ADAMTS14: variants seen among roughly 807,000 people sequenced by gnomAD.
The protein encoded by ADAMTS14 is ADAM metallopeptidase with thrombospondin type 1 motif 14.
In ADAMTS14, 100 loss-of-function variants were observed where a neutral mutation model predicts 128.6. That is an observed-to-expected ratio of 0.78 (90% CI 0.66 to 0.92). ADAMTS14 has a LOEUF of 0.92. ADAMTS14 is among the 40% of genes least tolerant of loss of function. The probability of loss-of-function intolerance (pLI) is 0.00; values close to 1 mark genes in which losing one functional copy is unlikely to be tolerated. For missense variants in ADAMTS14, 1,562 were observed against 1,658.6 expected (o/e 0.94, Z 1.01); for synonymous variants, 665 against 653.8 (o/e 1.02, Z -0.26).
intron 4 of ADAMTS14, among the ~76,000 whole-genome samples, chr10:70,726,109 C>T (rs550839854): frequency 2.0e-5 from 3 of 152,190 alleles, no homozygotes; most frequent in Non-Finnish European, 4.4e-5. Flanking sequence ...GGCCAGTTAC[C>T]AGGGAGTGGG....
rs527893230 is a variant in ADAMTS14, at chr10:70,760,224, AG to A, written c.3179-135del. 236 of 1,187,566 alleles carry A rather than the reference AG, an allele frequency of 2.0e-4. 1 individual carries two copies. The African/African-American group carries it at 3.4e-3, about 17-fold the overall frequency. The allele number at this position is 1,187,566 out of a possible 1,614,324, so 73.6% of individuals were successfully genotyped here. ...AGGTGGCTCTGTAGCCCCCACCCTG[AG>A]AAAAAGCTTTATAGTGGGTCCAGCA... is the stretch of plus-strand genomic sequence containing the variant. On this transcript the variant is annotated intron_variant, in intron 21 of 21. Coordinates refer to ENST00000373207, the MANE Select transcript of ADAMTS14 (RefSeq NM_080722.4).
intron 2 of ADAMTS14, among the ~76,000 whole-genome samples, chr10:70,688,372 T>C (rs1307894305): frequency 2.1e-5 from 2 of 96,218 alleles, no homozygotes; most frequent in Non-Finnish European, 4.8e-5. Context: ...GAGACGCTCC[T>C]CACTTTCCAG....
chr10:70,711,817 G>A (rs572619840), intron 4 of ADAMTS14, among the ~76,000 whole-genome samples: 3 of 152,232 alleles, frequency 2.0e-5, no homozygotes, highest in East Asian at 3.9e-4. Context: ...GCGGGTGGCC[G>A]GCACCCATTG....
At chr10:70,731,091 C>CACACACACACAT (rs1554820562) in intron 6 of ADAMTS14, among the ~76,000 whole-genome samples, 1 of 150,888 alleles carries the variant, frequency 6.6e-6, no homozygotes, top group African/African-American at 2.4e-5. Context: ...CACACACACA[C>CACACACACACAT]GTACAGACAT....
intron 4 of ADAMTS14, among the ~76,000 whole-genome samples, chr10:70,714,903 G>T (rs1304589087): frequency 6.9e-6 from 1 of 144,034 alleles, no homozygotes; most frequent in Non-Finnish European, 1.5e-5. Context: ...CCGAGATCGG[G>T]CCATTGCACT....
At chr10:70,739,542 C>A (rs777184281) in intron 11 of ADAMTS14, among the ~76,000 whole-genome samples, 2 of 152,010 alleles carry the variant, frequency 1.3e-5, no homozygotes, top group Non-Finnish European at 2.9e-5. Context: ...TTTGGGATAT[C>A]TGAGCCCTAG....
At chr10:70,744,018 G>T (rs201330432) in intron 13 of ADAMTS14, 48 bp from the exon 14 acceptor site, 1 of 1,541,238 alleles carries the variant, frequency 6.5e-7, no homozygotes, top group Non-Finnish European at 8.8e-7. Flanking sequence ...CCGGGGTGGC[G>T]GTGGGGGCAG....
rs11373533 is a variant in ADAMTS14, at chr10:70,691,487, TAA to T, written c.523-10804_523-10803del. Among the ~76,000 whole-genome samples, 555 of 86,690 alleles carry T rather than the reference TAA, an allele frequency of 6.4e-3. 18 individuals are homozygous for T. Among genetic ancestry groups the T allele is most frequent in the African/African-American group, 0.021 (530 of 25,648 alleles). 56.9% of individuals were successfully genotyped at this position (86,690 alleles called of 152,430 possible). On this transcript the variant is annotated intron_variant, in intron 2 of 21. Transcript: ENST00000373207. ...GCCTGGGGACAGAGTGAGACCCTGT[TAA>T]AAAAAAAAAAAAAAAAAAAACAAAG...
chr10:70,734,810 C>G (rs755134838), intron 8 of ADAMTS14, among the ~76,000 whole-genome samples: 2 of 152,236 alleles, frequency 1.3e-5, no homozygotes, highest in Non-Finnish European at 2.9e-5. Flanking sequence ...TCTTTCAGTA[C>G]AGAGTGAGTC....
intron 4 of ADAMTS14, among the ~76,000 whole-genome samples, chr10:70,715,889 G>A (rs565440041): frequency 8.6e-4 from 131 of 152,298 alleles, no homozygotes; most frequent in African/African-American, 3.1e-3. Context: ...TGTTCATGAT[G>A]TGGAGGCCAG....
intron 2 of ADAMTS14, among the ~76,000 whole-genome samples, chr10:70,681,493 A>G (rs1381059164): frequency 6.6e-6 from 1 of 152,226 alleles, no homozygotes. Flanking sequence ...CCCTGGCATC[A>G]TGGGGAGCCA....
intron 4 of ADAMTS14, among the ~76,000 whole-genome samples, chr10:70,722,747 A>G (rs971391470): frequency 6.6e-6 from 1 of 152,248 alleles, no homozygotes; most frequent in East Asian, 1.9e-4. Flanking sequence ...AATTTGAGCA[A>G]CAAAACAAAT....
chr10:70,684,104 G>C (rs933501185), intron 2 of ADAMTS14, among the ~76,000 whole-genome samples: 1 of 151,960 alleles, frequency 6.6e-6, no homozygotes, highest in African/African-American at 2.4e-5. Context: ...GAAGGCAAAG[G>C]GGAGTGAGGT....
At chr10:70,750,262 C>A (rs1039927090) in intron 16 of ADAMTS14, among the ~76,000 whole-genome samples, 1 of 152,182 alleles carries the variant, frequency 6.6e-6, no homozygotes, top group African/African-American at 2.4e-5. Context: ...GGAAATGGAG[C>A]CTGGAGGGAG....
Position 70,757,985 on chromosome 10 carries a change from C to A in ADAMTS14, c.2961C>A (p.Gly987=). 6.2e-7 allele frequency: 1 copy of A among 1,612,384 alleles called. No individual in the cohort carries two copies. The highest frequency in any genetic ancestry group is 8.5e-7 in the Non-Finnish European group (1 of 1,179,464). Residue 987 remains glycine (G), a synonymous_variant, in exon 20 of 22, where the codon GGC becomes GGA. Coordinates refer to ENST00000373207, the MANE Select transcript of ADAMTS14 (RefSeq NM_080722.4). The part of the protein sequence containing the change: ...WSQCSATCGE[G]IQQRQVVCRT... ...AGTGCTCTGCCACCTGTGGAGAGGG[C>A]ATCCAGCAGCGGCAGGTGGTGTGCA...
chr10:70,754,063 T>G, intron 19 of ADAMTS14, 56 bp downstream of exon 19: 1 of 1,437,930 alleles, frequency 7.0e-7, no homozygotes, highest in Non-Finnish European at 9.2e-7. Context: ...TCTGAGGGAT[T>G]TTTTTGGTGT....
At chr10:70,715,139 C>T (rs944878691) in intron 4 of ADAMTS14, among the ~76,000 whole-genome samples, 1 of 152,100 alleles carries the variant, frequency 6.6e-6, no homozygotes, top group African/African-American at 2.4e-5. Context: ...GTCTTTATGA[C>T]CGTGAAATTC....
chr10:70,744,682 A>G (rs1017636290), intron 14 of ADAMTS14, among the ~76,000 whole-genome samples: 1 of 152,198 alleles, frequency 6.6e-6, no homozygotes, highest in African/African-American at 2.4e-5. Context: ...ACCAGATATC[A>G]GTCCTTCACA....
rs375890170 is a variant in ADAMTS14, at chr10:70,760,323, C to T, written c.3179-37C>T. ...GCCACCTGACTGACAGGCATCCCCACGTTGCTTCCATCCTTGTCCTTGTGC... is the reference window on the plus strand; with the variant it reads ...GCCACCTGACTGACAGGCATCCCCATGTTGCTTCCATCCTTGTCCTTGTGC... On this transcript the variant is annotated intron_variant, in intron 21 of 21. Transcript: ENST00000373207. 1.9e-5 allele frequency: 29 copies of T among 1,506,822 alleles called. 1 individual carries two copies. Among genetic ancestry groups the T allele is most frequent in the African/African-American group, 8.3e-5 (6 of 72,196 alleles). 93.3% of individuals were successfully genotyped at this position (1,506,822 alleles called of 1,614,324 possible).
Sources: allele counts gnomAD v4.1 joint callset (sites outside exome capture counted in the v4.1 genomes callset), GRCh38; gene constraint gnomAD v4.1.1; transcripts MANE v1.5; gene names NCBI Gene and HGNC (gene_info 2026-07-23, HGNC 2026-07-21).